SERGEF: variants seen among roughly 807,000 people sequenced by gnomAD.
The protein encoded by SERGEF is secretion regulating guanine nucleotide exchange factor, also known as secretion-regulating guanine nucleotide exchange factor.
In SERGEF, 51 loss-of-function variants were observed where a neutral mutation model predicts 50.0. The observed-to-expected ratio is 1.02, with a 90% CI of 0.81 to 1.29. The LOEUF (loss-of-function observed/expected upper bound fraction) is 1.29, where lower values mean the gene tolerates loss of function less well. Among genes scored for constraint, SERGEF ranks in the 50% most tolerant of loss-of-function variants. The pLI, the probability that SERGEF is intolerant of heterozygous loss-of-function variation, is 0.00. For synonymous variants in SERGEF, 205 were observed against 212.4 expected (o/e 0.97, Z 0.30); for missense variants, 521 against 557.0 (o/e 0.94, Z 0.65).
intron 10 of SERGEF, among the ~76,000 whole-genome samples, chr11:17,794,707 T>C (rs1849544916): frequency 6.6e-6 from 1 of 152,184 alleles, no homozygotes; most frequent in East Asian, 1.9e-4. Flanking sequence ...AGAGATGACG[T>C]GAACTGTGCA....
chr11:17,950,795 G>A (rs1225023205), intron 9 of SERGEF, among the ~76,000 whole-genome samples: 1 of 152,114 alleles, frequency 6.6e-6, no homozygotes, highest in East Asian at 1.9e-4. Flanking sequence ...CTTTCACCCT[G>A]GGACAGCCCA....
chr11:17,966,678 G>A (rs1441804613), intron 8 of SERGEF, among the ~76,000 whole-genome samples: 1 of 152,088 alleles, frequency 6.6e-6, no homozygotes, highest in Non-Finnish European at 1.5e-5. Flanking sequence ...TTATTTTTTA[G>A]TAAAATGTCA....
intron 6 of SERGEF, 144 bp downstream of exon 6, chr11:17,995,652 C>T (rs1289032337): frequency 3.2e-6 from 2 of 627,190 alleles, no homozygotes; most frequent in East Asian, 2.8e-5. Flanking sequence ...ACAATGCCAG[C>T]AAGACTAACA....
intron 10 of SERGEF, among the ~76,000 whole-genome samples, chr11:17,832,306 C>T (rs550310011): frequency 6.6e-6 from 1 of 152,222 alleles, no homozygotes; most frequent in African/African-American, 2.4e-5. Context: ...TTCCCCTGCA[C>T]AAGCTCTCTC....
intron 8 of SERGEF, among the ~76,000 whole-genome samples, chr11:17,975,074 C>T (rs969272727): frequency 2.0e-5 from 3 of 152,310 alleles, no homozygotes; most frequent in Admixed American, 2.0e-4. Context: ...CCTATGCACA[C>T]AGTAACTTTC....
At chr11:17,925,498 C>T (rs1053213728) in intron 9 of SERGEF, among the ~76,000 whole-genome samples, 1 of 152,178 alleles carries the variant, frequency 6.6e-6, no homozygotes, top group Admixed American at 6.5e-5. Flanking sequence ...ACCACTTCTG[C>T]TAAACACAAA....
At chr11:17,792,385 G>A (rs959595597) in intron 10 of SERGEF, among the ~76,000 whole-genome samples, 1 of 152,228 alleles carries the variant, frequency 6.6e-6, no homozygotes, top group Non-Finnish European at 1.5e-5. Context: ...CTTTGTGCCC[G>A]GCCCTGGTGA....
At chr11:17,895,650 T>G (rs1168014601) in intron 9 of SERGEF, among the ~76,000 whole-genome samples, 1 of 152,210 alleles carries the variant, frequency 6.6e-6, no homozygotes, top group Non-Finnish European at 1.5e-5. Context: ...TACATATACA[T>G]AATAATTTTT....
At chr11:17,816,611 G>A (rs1343078436) in intron 10 of SERGEF, among the ~76,000 whole-genome samples, 1 of 152,220 alleles carries the variant, frequency 6.6e-6, no homozygotes, top group African/African-American at 2.4e-5. Flanking sequence ...TTGGCACATA[G>A]GTAAATGGAA....
intron 8 of SERGEF, among the ~76,000 whole-genome samples, chr11:17,976,457 ATTTTTT>A (rs67114053): frequency 1.0e-5 from 1 of 99,024 alleles, no homozygotes; most frequent in Non-Finnish European, 2.0e-5. Flanking sequence ...GCTAATTTTC[ATTTTTT>A]TTTTTTTTTT....
At chr11:17,972,938 T>A (rs1203508583) in intron 8 of SERGEF, among the ~76,000 whole-genome samples, 1 of 151,914 alleles carries the variant, frequency 6.6e-6, no homozygotes, top group Non-Finnish European at 1.5e-5. Context: ...CCTAATTCTG[T>A]ACATCACCTT....
chr11:18,007,880 T>C (rs1434155125), intron 2 of SERGEF, 61 bp downstream of exon 2: 1 of 1,488,642 alleles, frequency 6.7e-7, no homozygotes, highest in African/African-American at 1.4e-5. Context: ...GGCAATATCA[T>C]ATCCAGGGGA....
At chr11:17,890,067 T>C (rs1431785400) in intron 9 of SERGEF, among the ~76,000 whole-genome samples, 2 of 150,496 alleles carry the variant, frequency 1.3e-5, no homozygotes, top group East Asian at 3.9e-4. Context: ...AGCTTCCTTC[T>C]TAAGCCTAAG....
At chr11:17,803,188 T>C (rs1359451363) in intron 10 of SERGEF, among the ~76,000 whole-genome samples, 2 of 152,232 alleles carry the variant, frequency 1.3e-5, no homozygotes, top group Admixed American at 6.5e-5. Flanking sequence ...GCTAAAGGCA[T>C]TCTGTAGGGT....
chr11:17,852,645 G>A (rs1850734821), intron 10 of SERGEF, among the ~76,000 whole-genome samples: 2 of 152,258 alleles, frequency 1.3e-5, no homozygotes, highest in South Asian at 4.2e-4. Flanking sequence ...TCAGGGTCAG[G>A]GAAGGTAACA....
chr11:17,895,767 C>T (rs1416928868), intron 9 of SERGEF, among the ~76,000 whole-genome samples: 2 of 152,118 alleles, frequency 1.3e-5, no homozygotes, highest in African/African-American at 4.8e-5. Context: ...CCACTTAACA[C>T]GTGGTATATT....
chr11:17,931,830 T>C (rs538154253), intron 9 of SERGEF, among the ~76,000 whole-genome samples: 12 of 152,268 alleles, frequency 7.9e-5, no homozygotes, highest in African/African-American at 2.6e-4. Flanking sequence ...CCAGACCTAC[T>C]GAATCAGAAA....
intron 8 of SERGEF, among the ~76,000 whole-genome samples, chr11:17,969,080 T>G (rs1853191135): frequency 6.6e-6 from 1 of 152,216 alleles, no homozygotes; most frequent in Non-Finnish European, 1.5e-5. Context: ...TCTTAAATGC[T>G]AGTGTTAATA....
chr11:17,995,857 C>T lies in SERGEF; in HGVS notation c.561G>A (p.Arg187=). 1 of 1,614,112 alleles carries T rather than the reference C, an allele frequency of 6.2e-7. No homozygotes were observed. The highest frequency in any genetic ancestry group is 8.5e-7 in the Non-Finnish European group (1 of 1,179,980). Residue 187 remains arginine (R), a synonymous_variant, in exon 6 of 11, where the codon CGG becomes CGA. Transcript: ENST00000265965. ...WGTGLASCGR[R]LCPGQTLPLF... is the part of the protein sequence containing the mutation. ...ATGGAAGAGTCTGCCCAGGGCACAA[C>T]CGTCGTCCACATGATGCCAAACCAG...
Sources: gnomAD v4.1 joint callset for allele counts (sites outside exome capture counted in the v4.1 genomes callset) on GRCh38, gnomAD v4.1.1 for gene constraint, MANE v1.5 for transcripts, NCBI Gene and HGNC (gene_info 2026-07-23, HGNC 2026-07-21) for gene names.